Variants in GRIP1 observed in about 807,000 individuals in gnomAD.
GRIP1 encodes glutamate receptor-interacting protein 1.
GRIP1 carries 45 observed loss-of-function variants against 129.9 expected under a neutral mutation model. The ratio of observed to expected loss-of-function variants is 0.35; its 90% CI spans 0.27 to 0.44. The LOEUF is 0.44. Ranked by LOEUF, GRIP1 falls within the 20% of genes least tolerant of loss-of-function variation. The pLI is 1.00. For missense variants in GRIP1, 1,196 were observed against 1,396.8 expected, an observed-to-expected ratio of 0.86 and a Z score of 2.29; for synonymous variants, 530 against 520.8, an observed-to-expected ratio of 1.02 and a Z score of -0.24.
chr12:66,859,544 GC>G (rs1344528381), intron 1 of GRIP1, among the ~76,000 whole-genome samples: 1 of 152,008 alleles, frequency 6.6e-6, no homozygotes, highest in Non-Finnish European at 1.5e-5. Flanking sequence ...CTCAGACTGA[GC>G]AACAATCCTC....
At chr12:66,351,682 T>G (rs2054232024) in intron 24 of GRIP1, among the ~76,000 whole-genome samples, 1 of 151,090 alleles carries the variant, frequency 6.6e-6, no homozygotes, top group Non-Finnish European at 1.5e-5. Context: ...AAGCAAAAGC[T>G]GCTGTTCGAT....
chr12:66,581,257 G>A (rs563008713), intron 2 of GRIP1, among the ~76,000 whole-genome samples: 16 of 152,070 alleles, frequency 1.1e-4, no homozygotes, highest in African/African-American at 3.6e-4. Flanking sequence ...TCAAAGCAGC[G>A]TGTAGAGGGA....
intron 11 of GRIP1, among the ~76,000 whole-genome samples, chr12:66,449,689 A>G (rs945669834): frequency 2.0e-5 from 3 of 152,214 alleles, no homozygotes; most frequent in Non-Finnish European, 2.9e-5. Context: ...TTTTGCTATC[A>G]GTGGCACCAA....
intron 1 of GRIP1, among the ~76,000 whole-genome samples, chr12:66,921,994 A>C (rs1307179928): frequency 6.6e-6 from 1 of 152,220 alleles, no homozygotes; most frequent in Non-Finnish European, 1.5e-5. Flanking sequence ...TTGCTTCCAT[A>C]AACAGAGACA....
intron 1 of GRIP1, among the ~76,000 whole-genome samples, chr12:66,850,123 C>A (rs1313046800): frequency 6.6e-6 from 1 of 151,966 alleles, no homozygotes; most frequent in East Asian, 1.9e-4. Context: ...AAGAGAAAGG[C>A]AAAGTGAGAC....
At chr12:66,974,809 T>A (rs2042128507) in intron 1 of GRIP1, among the ~76,000 whole-genome samples, 1 of 152,228 alleles carries the variant, frequency 6.6e-6, no homozygotes, top group Admixed American at 6.5e-5. Flanking sequence ...AAGTGTAATT[T>A]TCAGGGTCCC....
At chr12:67,006,724 G>A (rs2042633048) in intron 1 of GRIP1, among the ~76,000 whole-genome samples, 1 of 152,218 alleles carries the variant, frequency 6.6e-6, no homozygotes, top group African/African-American at 2.4e-5. Context: ...AGGGATGGAG[G>A]AAATAATTTG....
intron 1 of GRIP1, among the ~76,000 whole-genome samples, chr12:67,052,751 T>C (rs190716942): frequency 1.7e-5 from 2 of 118,296 alleles, no homozygotes; most frequent in Admixed American, 2.1e-4. Flanking sequence ...CAGAGCAGAC[T>C]CTCTCTCAAA....
intron 1 of GRIP1, among the ~76,000 whole-genome samples, chr12:67,011,169 C>T (rs1387509168): frequency 6.6e-6 from 1 of 151,956 alleles, no homozygotes; most frequent in Non-Finnish European, 1.5e-5. Flanking sequence ...TCATCATCAT[C>T]ACCTATGAAT....
chr12:67,051,824 C>G (rs1440759509), intron 1 of GRIP1, among the ~76,000 whole-genome samples: 2 of 152,190 alleles, frequency 1.3e-5, no homozygotes, highest in African/African-American at 4.8e-5. Flanking sequence ...ATTAGTTGAA[C>G]TGTTGAAACA....
At chr12:66,608,519 G>C (rs1395488519) in intron 1 of GRIP1, among the ~76,000 whole-genome samples, 2 of 152,130 alleles carry the variant, frequency 1.3e-5, no homozygotes, top group Non-Finnish European at 2.9e-5. Context: ...TTTTAGTAGA[G>C]ATGGGGTTTC....
chr12:66,618,397 T>G (rs555615510), intron 1 of GRIP1, among the ~76,000 whole-genome samples: 1 of 152,160 alleles, frequency 6.6e-6, no homozygotes, highest in African/African-American at 2.4e-5. Flanking sequence ...TTTCATTTTG[T>G]GTACGAAGTA....
At chr12:67,029,740 G>C (rs1465437015) in intron 1 of GRIP1, among the ~76,000 whole-genome samples, 1 of 152,010 alleles carries the variant, frequency 6.6e-6, no homozygotes, top group Admixed American at 6.6e-5. Context: ...ACGGACATGT[G>C]CTAGTCATGT....
At chr12:66,892,054 A>T (rs923584407) in intron 1 of GRIP1, 2 of 152,696 alleles carry the variant, frequency 1.3e-5, no homozygotes, top group Admixed American at 1.3e-4. Flanking sequence ...AACTCATGGC[A>T]TCTCAGGGGA....
chr12:66,493,050 G>A (rs2060147544), intron 7 of GRIP1, among the ~76,000 whole-genome samples: 1 of 148,116 alleles, frequency 6.8e-6, no homozygotes, highest in African/African-American at 2.5e-5. Context: ...AGAATGGTGG[G>A]TGAATACTTT....
chr12:66,754,709 A>C (rs7316508), intron 1 of GRIP1, among the ~76,000 whole-genome samples: 28,672 of 152,150 alleles, frequency 0.19, 2,799 homozygotes, highest in Middle Eastern at 0.3. Flanking sequence ...CTTGATTCTC[A>C]AGCCAAAATC....
intron 16 of GRIP1, among the ~76,000 whole-genome samples, chr12:66,396,210 G>A (rs922365293): frequency 1.3e-5 from 2 of 152,194 alleles, no homozygotes; most frequent in African/African-American, 4.8e-5. Context: ...ATTGCTCTCT[G>A]CATAAGGCAA....
chr12:66,816,358 C>T (rs1478310861), intron 1 of GRIP1, among the ~76,000 whole-genome samples: 1 of 152,158 alleles, frequency 6.6e-6, no homozygotes, highest in Non-Finnish European at 1.5e-5. Flanking sequence ...GTATTTTATT[C>T]ATGTTTGTTT....
rs140963683 is a variant in GRIP1, at chr12:66,907,835, C to T, written c.58+161215G>A. 3.6e-3 allele frequency among the ~76,000 whole-genome samples: 553 copies of T among 152,166 alleles called. 4 individuals are homozygous for T. Among genetic ancestry groups the T allele is most frequent in the African/African-American group, 0.011 (472 of 41,506 alleles). ...TACATCAATTGCACAACAACAAGTT[C>T]CATTCATTTTTCTGAATTATTTGAG... On this transcript the variant is annotated intron_variant, in intron 1 of 1. Transcript: ENST00000643019.
Sources: allele counts gnomAD v4.1 joint callset (sites outside exome capture counted in the v4.1 genomes callset), GRCh38; gene constraint gnomAD v4.1.1; transcripts MANE v1.5; gene names NCBI Gene and HGNC (gene_info 2026-07-23, HGNC 2026-07-21).